The following RGS8 variants were observed in gnomAD, a reference collection of about 807,000 sequenced individuals.
The protein encoded by RGS8 is regulator of G-protein signaling 8.
In RGS8, 8 loss-of-function variants were observed where a neutral mutation model predicts 21.7. That is an observed-to-expected ratio of 0.37 (90% confidence interval 0.22 to 0.66). RGS8 has a LOEUF of 0.66. Ranked by LOEUF, RGS8 falls within the 30% of genes least tolerant of loss-of-function variation. The pLI is 0.59. For synonymous variants in RGS8, 80 were observed against 83.6 expected, an observed-to-expected ratio of 0.96 and a Z score of 0.24; for missense variants, 157 against 217.9, an observed-to-expected ratio of 0.72 and a Z score of 1.76.
At chr1:182,705,694 G>A in the RGS8 span, among the ~76,000 whole-genome samples, 6 of 151,928 alleles carry the variant, frequency 3.9e-5, 1 homozygote, top group Admixed American at 6.6e-5. Flanking sequence ...ATAAAAAGAC[G>A]GGGAATGTGT....
chr1:182,699,015 A>G, the RGS8 span, among the ~76,000 whole-genome samples: 7 of 152,212 alleles, frequency 4.6e-5, no homozygotes, highest in Admixed American at 4.6e-4. Context: ...GCATAAAGCT[A>G]TTTATTTGGA....
chr1:182,724,802 C>T, the RGS8 span, among the ~76,000 whole-genome samples: 1 of 152,204 alleles, frequency 6.6e-6, no homozygotes, highest in Admixed American at 6.5e-5. Flanking sequence ...AGGTGATCAA[C>T]CCGCCTCGGC....
chr1:182,674,615 G>A (rs924418924), upstream of RGS8, among the ~76,000 whole-genome samples: 1 of 152,144 alleles, frequency 6.6e-6, no homozygotes, highest in Non-Finnish European at 1.5e-5. Context: ...TCAGGGAGGA[G>A]AATTAAGCTG....
At chr1:182,707,773 C>T in the RGS8 span, among the ~76,000 whole-genome samples, 1 of 152,152 alleles carries the variant, frequency 6.6e-6, no homozygotes, top group Non-Finnish European at 1.5e-5. Flanking sequence ...GTGGCATGAT[C>T]TTGGCTCACT....
chr1:182,707,528 C>G, the RGS8 span, among the ~76,000 whole-genome samples: 1 of 152,126 alleles, frequency 6.6e-6, no homozygotes, highest in Admixed American at 6.5e-5. Context: ...CTACTATCAC[C>G]GCCACTAGAA....
At chr1:182,656,712 G>A (rs1663296944) in intron 5 of RGS8, among the ~76,000 whole-genome samples, 6 of 152,220 alleles carry the variant, frequency 3.9e-5, no homozygotes, top group Admixed American at 2.6e-4. Context: ...AATTTCAAGG[G>A]AAGTGCTTGA....
At chr1:182,715,567 T>C in the RGS8 span, among the ~76,000 whole-genome samples, 1 of 152,200 alleles carries the variant, frequency 6.6e-6, no homozygotes, top group Non-Finnish European at 1.5e-5. Context: ...ATCACCCAGA[T>C]TGTGGGGCTC....
chr1:182,689,616 A>G, the RGS8 span, among the ~76,000 whole-genome samples: 1 of 152,190 alleles, frequency 6.6e-6, no homozygotes, highest in African/African-American at 2.4e-5. Flanking sequence ...CACAATCAAA[A>G]TCACCCAGTC....
chr1:182,672,914 C>T (rs1041783304), upstream of RGS8: 19 of 1,487,930 alleles, frequency 1.3e-5, no homozygotes, highest in African/African-American at 2.8e-5. Flanking sequence ...GGTCCCTGAA[C>T]CAGCAGTGTC....
chr1:182,729,946 C>A, the RGS8 span, among the ~76,000 whole-genome samples: 1,801 of 152,288 alleles, frequency 0.012, 28 homozygotes, highest in African/African-American at 0.039. Context: ...CCACGCTTGG[C>A]AGACCATGTT....
downstream of RGS8, chr1:182,643,333 C>T (rs561953507): frequency 1.6e-5 from 2 of 126,356 alleles, no homozygotes; most frequent in Non-Finnish European, 3.3e-5. Context: ...GCCCCCCCGC[C>T]CCCGCGCTGT....
At chr1:182,713,569 T>G in the RGS8 span, among the ~76,000 whole-genome samples, 12 of 152,180 alleles carry the variant, frequency 7.9e-5, 1 homozygote, top group Admixed American at 4.6e-4. Context: ...TTACCCCCAC[T>G]GACCACAGGA....
intron 6 of RGS8, 150 bp from the exon 8 acceptor site, chr1:182,647,067 T>A: frequency 1.5e-6 from 1 of 671,604 alleles, no homozygotes; most frequent in Non-Finnish European, 2.5e-6. Context: ...AGGTCATCCC[T>A]TTTGATCACA....
At chr1:182,668,007 G>A (rs951854917) in intron 3 of RGS8, among the ~76,000 whole-genome samples, 1 of 152,134 alleles carries the variant, frequency 6.6e-6, no homozygotes, top group African/African-American at 2.4e-5. Context: ...TTAATCGGAG[G>A]TTGACAAACT....
intron 5 of RGS8, among the ~76,000 whole-genome samples, chr1:182,665,256 C>T (rs111262601): frequency 1.1e-3 from 173 of 152,252 alleles, no homozygotes; most frequent in African/African-American, 3.9e-3. Flanking sequence ...AGTTTCAAAG[C>T]CCATTAATTT....
At chr1:182,690,631 A>C in the RGS8 span, among the ~76,000 whole-genome samples, 3 of 152,340 alleles carry the variant, frequency 2.0e-5, no homozygotes, top group South Asian at 6.2e-4. Flanking sequence ...TCTGTGCTTC[A>C]TTTATACTTC....
intron 1 of RGS8, among the ~76,000 whole-genome samples, chr1:182,678,565 C>T (rs1664442986): frequency 6.6e-6 from 1 of 152,184 alleles, no homozygotes; most frequent in African/African-American, 2.4e-5. Flanking sequence ...GAGGCATAGC[C>T]AGGACTCCAA....
chr1:182,666,166 C>T (rs1663848786), intron 4 of RGS8, 133 bp from the exon 6 acceptor site: 6 of 615,598 alleles, frequency 9.7e-6, no homozygotes, highest in South Asian at 4.3e-5. Context: ...GAAGACTATA[C>T]CTGGATTCCT....
At chr1:182,655,034 T>G (rs1253621512) in intron 5 of RGS8, among the ~76,000 whole-genome samples, 1 of 152,162 alleles carries the variant, frequency 6.6e-6, no homozygotes, top group Non-Finnish European at 1.5e-5. Context: ...CACCTAGTGG[T>G]TTATGAATCT....
Sources: allele counts gnomAD v4.1 joint callset (sites outside exome capture counted in the v4.1 genomes callset), GRCh38; gene constraint gnomAD v4.1.1; transcripts MANE v1.5; gene names NCBI Gene and HGNC (gene_info 2026-07-23, HGNC 2026-07-21).